ADK: variants seen among roughly 807,000 people sequenced by gnomAD.
The protein encoded by ADK is adenosine kinase, also known as N6,N6-dimethyladenosine kinase.
In ADK, 24 loss-of-function variants were observed where a neutral mutation model predicts 44.7. That is an observed-to-expected ratio of 0.54 (90% CI 0.39 to 0.76). The LOEUF (loss-of-function observed/expected upper bound fraction) is 0.76. ADK is among the 30% of genes least tolerant of loss of function. ADK has a pLI of 0.00. For synonymous variants in ADK, 128 were observed against 142.6 expected (o/e 0.90, Z 0.73); for missense variants, 321 against 425.1 (o/e 0.76, Z 2.15).
At chr10:74,631,463 G>T (rs1297505566) in intron 9 of ADK, among the ~76,000 whole-genome samples, 4 of 150,590 alleles carry the variant, frequency 2.7e-5, no homozygotes, top group African/African-American at 7.3e-5. Context: ...CTCCATGTTG[G>T]TCAGGAATGG....
At position 74,708,579 on chromosome 10, in the gene ADK, G is replaced by A; in HGVS notation, c.*134G>A. On this transcript the variant is annotated 3_prime_UTR_variant, in exon 11 of 11. Transcript: ENST00000539909. ...AATAATGCTGAATCTTAATTTAGAG[G>A]GTACAAGGGTATGGTAATGCTTGTA... 1.0e-6 allele frequency: 1 copy of A among 965,672 alleles called. No homozygotes were observed. The highest frequency in any genetic ancestry group is 1.4e-5 in the South Asian group (1 of 69,378). 59.8% of individuals were successfully genotyped at this position (965,672 alleles called of 1,614,324 possible).
At chr10:74,495,039 T>C (rs966705229) in intron 6 of ADK, among the ~76,000 whole-genome samples, 3 of 152,178 alleles carry the variant, frequency 2.0e-5, no homozygotes, top group African/African-American at 7.2e-5. Flanking sequence ...CATATTGTTT[T>C]TGAGAGGTCT....
chr10:74,231,696 G>C (rs1261018710), intron 3 of ADK, among the ~76,000 whole-genome samples: 1 of 142,052 alleles, frequency 7.0e-6, no homozygotes, highest in Non-Finnish European at 1.6e-5. Context: ...GAGCTCCTGG[G>C]CTCAAGTGAT....
intron 6 of ADK, among the ~76,000 whole-genome samples, chr10:74,473,668 A>G (rs1209131955): frequency 6.6e-6 from 1 of 152,198 alleles, no homozygotes; most frequent in Non-Finnish European, 1.5e-5. Context: ...TTGCTTTCCC[A>G]ATGTATCACA....
chr10:74,302,630 AC>A (rs1840098222), intron 3 of ADK, among the ~76,000 whole-genome samples: 2 of 152,042 alleles, frequency 1.3e-5, no homozygotes, highest in Non-Finnish European at 2.9e-5. Context: ...TCGTCTCTTA[AC>A]AAAAATATTT....
intron 6 of ADK, among the ~76,000 whole-genome samples, chr10:74,437,398 G>T (rs1001615244): frequency 2.6e-5 from 4 of 152,052 alleles, no homozygotes; most frequent in African/African-American, 9.7e-5. Context: ...ATTATTATAT[G>T]CAAATAGACT....
intron 3 of ADK, among the ~76,000 whole-genome samples, chr10:74,297,747 T>G (rs7900243): frequency 6.6e-6 from 1 of 152,046 alleles, no homozygotes; most frequent in Non-Finnish European, 1.5e-5. Context: ...ATATGAAATT[T>G]AAATTTTAGT....
chr10:74,688,856 C>A (rs143460668), intron 10 of ADK, among the ~76,000 whole-genome samples: 1 of 152,286 alleles, frequency 6.6e-6, no homozygotes, highest in East Asian at 1.9e-4. Flanking sequence ...GTCAAGGAAA[C>A]AATGAGCCAT....
chr10:74,215,401 C>G (rs1843973953), intron 2 of ADK, among the ~76,000 whole-genome samples: 1 of 152,168 alleles, frequency 6.6e-6, no homozygotes, highest in Non-Finnish European at 1.5e-5. Flanking sequence ...ACCTCCATCT[C>G]CCAGGTTCAA....
At chr10:74,182,455 G>A (rs541775088) in intron 1 of ADK, among the ~76,000 whole-genome samples, 1 of 151,876 alleles carries the variant, frequency 6.6e-6, no homozygotes, top group Non-Finnish European at 1.5e-5. Flanking sequence ...TGCAACCTCC[G>A]CCTCCCGGGT....
At chr10:74,268,089 G>C (rs558850474) in intron 3 of ADK, among the ~76,000 whole-genome samples, 1 of 152,276 alleles carries the variant, frequency 6.6e-6, no homozygotes, top group East Asian at 1.9e-4. Flanking sequence ...TTGGGAGGCT[G>C]TGGTGGGAGG....
chr10:74,269,940 G>T (rs11000944), intron 3 of ADK, among the ~76,000 whole-genome samples: 1 of 152,178 alleles, frequency 6.6e-6, no homozygotes. Context: ...GGAAATTGCA[G>T]TGAGCCAAGG....
intron 4 of ADK, among the ~76,000 whole-genome samples, chr10:74,353,910 T>C (rs755102728): frequency 1.3e-5 from 2 of 152,126 alleles, no homozygotes; most frequent in Non-Finnish European, 2.9e-5. Context: ...GCTTATAGAG[T>C]TCTTTGAGAA....
intron 3 of ADK, among the ~76,000 whole-genome samples, chr10:74,300,264 TTCCTTCC>T (rs1839966523): frequency 3.9e-5 from 1 of 25,814 alleles, no homozygotes; most frequent in Admixed American, 3.0e-4. Flanking sequence ...CCTTGTTTCC[TTCCTTCC>T]TTCCTTCCTT....
intron 3 of ADK, among the ~76,000 whole-genome samples, chr10:74,267,161 T>G (rs1337013036): frequency 6.6e-6 from 1 of 152,208 alleles, no homozygotes; most frequent in South Asian, 2.1e-4. Flanking sequence ...CAGTTGACCC[T>G]CAAACAGCAC....
At chr10:74,241,643 C>G (rs1183755221) in intron 3 of ADK, among the ~76,000 whole-genome samples, 1 of 152,188 alleles carries the variant, frequency 6.6e-6, no homozygotes, top group East Asian at 1.9e-4. Flanking sequence ...GCCTCGGCCT[C>G]CCAAAGTGCT....
chr10:74,628,515 C>G (rs998065870), intron 9 of ADK, among the ~76,000 whole-genome samples: 1 of 151,546 alleles, frequency 6.6e-6, no homozygotes, highest in Non-Finnish European at 1.5e-5. Flanking sequence ...TGAAGAATCT[C>G]ACTCGTCTCA....
chr10:74,186,888 T>A (rs951641300), intron 1 of ADK, among the ~76,000 whole-genome samples: 1 of 152,328 alleles, frequency 6.6e-6, no homozygotes, highest in South Asian at 2.1e-4. Context: ...ATTTCCAGTT[T>A]TTGGTTACTA....
At chr10:74,601,296 T>C (rs1033125206) in intron 9 of ADK, among the ~76,000 whole-genome samples, 1 of 152,156 alleles carries the variant, frequency 6.6e-6, no homozygotes, top group Non-Finnish European at 1.5e-5. Context: ...AAAGATGTTA[T>C]AGTGAATATG....
Sources: allele counts gnomAD v4.1 joint callset (sites outside exome capture counted in the v4.1 genomes callset), GRCh38; gene constraint gnomAD v4.1.1; transcripts MANE v1.5; gene names NCBI Gene and HGNC (gene_info 2026-07-23, HGNC 2026-07-21).